HPSE2: variants seen among roughly 807,000 people sequenced by gnomAD.
HPSE2 encodes the protein heparanase 2 (inactive), also known as inactive heparanase-2.
Under a neutral mutation model 60.5 loss-of-function variants are expected in HPSE2, and 38 were observed. That is an observed-to-expected ratio of 0.63 (90% confidence interval 0.48 to 0.82). The LOEUF (loss-of-function observed/expected upper bound fraction) is 0.82. Among genes scored for constraint, HPSE2 ranks in the 40% least tolerant of loss-of-function variants. HPSE2 has a pLI of 0.00. For synonymous variants in HPSE2, 295 were observed against 293.2 expected, an observed-to-expected ratio of 1.01 and a Z score of -0.06; for missense variants, 713 against 740.4, an observed-to-expected ratio of 0.96 and a Z score of 0.43.
chr10:98,879,321 T>C (rs1312771061), intron 3 of HPSE2, among the ~76,000 whole-genome samples: 2 of 152,058 alleles, frequency 1.3e-5, no homozygotes, highest in Non-Finnish European at 2.9e-5. Context: ...TTCACACATA[T>C]CTGCATGCTG....
intron 3 of HPSE2, among the ~76,000 whole-genome samples, chr10:98,978,126 A>G (rs993928540): frequency 2.6e-5 from 4 of 152,148 alleles, no homozygotes; most frequent in African/African-American, 9.6e-5. Flanking sequence ...TGAGATTTTA[A>G]TCACTACTAT....
intron 3 of HPSE2, among the ~76,000 whole-genome samples, chr10:99,103,371 C>A (rs1032903830): frequency 3.9e-5 from 6 of 152,128 alleles, no homozygotes; most frequent in African/African-American, 1.4e-4. Context: ...CATCAGTGAA[C>A]TCCCATTCAC....
chr10:99,156,019 G>A (rs1218860515), intron 2 of HPSE2, among the ~76,000 whole-genome samples: 2 of 150,726 alleles, frequency 1.3e-5, no homozygotes, highest in African/African-American at 2.4e-5. Context: ...ATAAATTCCT[G>A]GACACATACA....
At chr10:98,593,796 A>T (rs912165395) in intron 9 of HPSE2, among the ~76,000 whole-genome samples, 2 of 152,158 alleles carry the variant, frequency 1.3e-5, no homozygotes, top group Non-Finnish European at 2.9e-5. Context: ...TATATTAAGG[A>T]TTTAAAAAAC....
chr10:98,832,490 G>A (rs551061377), intron 3 of HPSE2, among the ~76,000 whole-genome samples: 2 of 152,304 alleles, frequency 1.3e-5, no homozygotes, highest in South Asian at 2.1e-4. Flanking sequence ...GAAATAAACT[G>A]CAAGATCTGG....
intron 9 of HPSE2, among the ~76,000 whole-genome samples, chr10:98,508,251 C>T (rs1942266800): frequency 6.6e-6 from 1 of 152,152 alleles, no homozygotes. Flanking sequence ...GGTTTTAAAT[C>T]TTTTCTTTTT....
Position 99,162,096 on chromosome 10 carries a change from T to C in HPSE2, c.449-17697A>G, listed in dbSNP as rs564757189. On this transcript the variant is annotated intron_variant, in intron 2 of 11. Coordinates refer to ENST00000370552, the MANE Select transcript of HPSE2 (RefSeq NM_021828.5). ...TTTGCAATATGATGAGTTCTGGAGA[T>C]GGATGGTGGCAATGGTTTGTAAAAC... is the stretch of plus-strand genomic sequence containing the variant. Among the ~76,000 whole-genome samples, 17 of 152,302 alleles carry C rather than the reference T, an allele frequency of 1.1e-4. No individual in the cohort carries two copies. In the South Asian group the frequency reaches 3.3e-3, roughly 30 times the overall value.
At chr10:98,688,493 T>A in intron 6 of HPSE2, among the ~76,000 whole-genome samples, 1 of 143,842 alleles carries the variant, frequency 7.0e-6, no homozygotes, top group East Asian at 2.1e-4. Flanking sequence ...TTTTTTTTTT[T>A]GAGGCAGAAT....
the HPSE2 span, among the ~76,000 whole-genome samples, chr10:99,294,476 T>C: frequency 4.1e-4 from 60 of 146,908 alleles, no homozygotes; most frequent in Middle Eastern, 3.6e-3. Context: ...ATATAATATA[T>C]TTATATATAA....
At chr10:98,690,713 C>G (rs570814825) in intron 6 of HPSE2, among the ~76,000 whole-genome samples, 2 of 151,156 alleles carry the variant, frequency 1.3e-5, no homozygotes, top group Non-Finnish European at 2.9e-5. Context: ...TATCATTGCT[C>G]TCTATATAAG....
chr10:98,775,937 CCTCT>C (rs1232308285), intron 3 of HPSE2, among the ~76,000 whole-genome samples: 1 of 152,016 alleles, frequency 6.6e-6, no homozygotes. Context: ...GTCCTAGGTT[CCTCT>C]CTATTATCTA....
chr10:98,945,175 G>T (rs993280969), intron 3 of HPSE2, among the ~76,000 whole-genome samples: 4 of 152,120 alleles, frequency 2.6e-5, no homozygotes, highest in Non-Finnish European at 5.9e-5. Context: ...CCCAAAAAAA[G>T]AAGTGAATTT....
rs973462928 is a variant in HPSE2 at position 98,641,865 on chromosome 10, C to T, written c.1080G>A (p.Gln360=). ...KTRLLDTLSD[Q]IRKIQKVVNT... Reference sequence around the variant, plus strand: ...TACTCACTTTCTGAATTTTCCTAATCTGGTCAGAGAGTGTGTCTAACAGGC... The same window carrying T: ...TACTCACTTTCTGAATTTTCCTAATTTGGTCAGAGAGTGTGTCTAACAGGC... Residue 360 remains glutamine, a synonymous_variant, in exon 7 of 12, where the codon CAG becomes CAA. Coordinates refer to ENST00000370552, the MANE Select transcript of HPSE2 (RefSeq NM_021828.5). 2.5e-6 allele frequency: 4 copies of T among 1,613,430 alleles called. No individual in the cohort carries two copies. The highest frequency in any genetic ancestry group is 1.7e-5 in the Admixed American group (1 of 60,020).
intron 2 of HPSE2, among the ~76,000 whole-genome samples, chr10:99,154,652 C>A (rs1001826852): frequency 3.3e-5 from 5 of 151,664 alleles, no homozygotes; most frequent in Non-Finnish European, 7.4e-5. Context: ...AAAATCATGC[C>A]AAAATATAAA....
intron 2 of HPSE2, among the ~76,000 whole-genome samples, chr10:99,206,439 A>G (rs1848748863): frequency 6.6e-6 from 1 of 152,060 alleles, no homozygotes; most frequent in Non-Finnish European, 1.5e-5. Context: ...AATGTCTACA[A>G]AAAATTAGCC....
intron 3 of HPSE2, among the ~76,000 whole-genome samples, chr10:98,875,265 T>C (rs1952844357): frequency 6.6e-6 from 1 of 151,752 alleles, no homozygotes; most frequent in African/African-American, 2.4e-5. Context: ...ATTAACAAAA[T>C]ACATGGACCA....
intron 3 of HPSE2, among the ~76,000 whole-genome samples, chr10:98,795,621 G>C (rs1169920620): frequency 1.3e-5 from 2 of 152,138 alleles, no homozygotes; most frequent in Non-Finnish European, 2.9e-5. Flanking sequence ...CAATTCCTAG[G>C]CAACTCCTAG....
chr10:99,144,446 C>CA (rs773957194), intron 2 of HPSE2, 47 bp from the exon 3 acceptor site: 9 of 1,598,418 alleles, frequency 5.6e-6, no homozygotes, highest in Middle Eastern at 1.7e-4. Flanking sequence ...TAAAACAAAA[C>CA]AAAAAATAAT....
intron 3 of HPSE2, among the ~76,000 whole-genome samples, chr10:98,893,050 T>TAA (rs909935581): frequency 3.2e-4 from 48 of 151,996 alleles, no homozygotes; most frequent in African/African-American, 1.1e-3. Context: ...TTTTCATTTT[T>TAA]ATTTTTAATT....
Sources: gnomAD v4.1 joint callset for allele counts (sites outside exome capture counted in the v4.1 genomes callset) on GRCh38, gnomAD v4.1.1 for gene constraint, MANE v1.5 for transcripts, NCBI Gene and HGNC (gene_info 2026-07-23, HGNC 2026-07-21) for gene names.